Variants in RAP1GAP observed in about 807,000 individuals in gnomAD.
RAP1GAP encodes rap1 GTPase-activating protein 1.
A neutral mutation model predicts 87.2 loss-of-function variants in RAP1GAP; 35 were observed. The observed-to-expected ratio is 0.40, with a 90% confidence interval of 0.31 to 0.53. The LOEUF (loss-of-function observed/expected upper bound fraction) is 0.53. Among genes scored for constraint, RAP1GAP ranks in the 20% least tolerant of loss-of-function variants. The pLI, the probability that RAP1GAP is intolerant of heterozygous loss-of-function variation, is 0.48. For synonymous variants in RAP1GAP, 375 were observed against 363.9 expected (o/e 1.03, Z -0.35); for missense variants, 734 against 898.9 (o/e 0.82, Z 2.35).
intron 24 of RAP1GAP, 127 bp downstream of exon 24, chr1:21,597,559 G>A: frequency 1.0e-6 from 1 of 989,314 alleles, no homozygotes; most frequent in Non-Finnish European, 1.5e-6. Context: ...TGAGGACCAG[G>A]GGGCTCAAAC....
intron 18 of RAP1GAP, 133 bp downstream of exon 18, chr1:21,605,933 C>T: frequency 1.7e-6 from 2 of 1,206,328 alleles, no homozygotes; most frequent in Non-Finnish European, 2.3e-6. Flanking sequence ...GTGGCTAGAC[C>T]AAATCCAGAG....
rs1570749617 is a variant in RAP1GAP, at chr1:21,617,330, G to A, written c.267C>T (p.Ile89=). The change falls in exon 7 of 25, where the codon ATC becomes ATT. Residue 89 remains isoleucine (I), a synonymous_variant. Transcript: ENST00000374765. The part of the protein sequence containing the change: ...VKLECNPTAR[I]YRKHFLGKEH... Reference sequence around the variant, plus strand: ...CCTTGCCGAGAAAGTGCTTCCGGTAGATGCGGGCTGTGGGGTTGCACTCGA... The same window carrying A: ...CCTTGCCGAGAAAGTGCTTCCGGTAAATGCGGGCTGTGGGGTTGCACTCGA... The A allele has an allele frequency of 6.3e-7, 1 of 1,587,818 alleles. No individual in the cohort carries two copies. Among genetic ancestry groups the A allele is most frequent in the Admixed American group, 1.8e-5 (1 of 55,540 alleles).
intron 2 of RAP1GAP, among the ~76,000 whole-genome samples, chr1:21,645,805 C>T (rs185045986): frequency 1.3e-3 from 201 of 152,356 alleles, no homozygotes; most frequent in African/African-American, 4.6e-3. Flanking sequence ...CATTTCAGAG[C>T]CACTAATGAG....
At chr1:21,642,524 C>A (rs1208416932) in intron 2 of RAP1GAP, among the ~76,000 whole-genome samples, 2 of 152,192 alleles carry the variant, frequency 1.3e-5, no homozygotes, top group African/African-American at 4.8e-5. Flanking sequence ...ACTCTGGCTC[C>A]AGGGCTTCCA....
chr1:21,621,855 A>C (rs1223325992), intron 3 of RAP1GAP, among the ~76,000 whole-genome samples: 1 of 152,170 alleles, frequency 6.6e-6, no homozygotes, highest in African/African-American at 2.4e-5. Flanking sequence ...TCAGTCACAT[A>C]AACACTGACA....
At chr1:21,651,611 C>A in intron 1 of RAP1GAP, 1 of 727,246 alleles carries the variant, frequency 1.4e-6, no homozygotes. Flanking sequence ...CACACAGGCG[C>A]CACAGCACGA....
At chr1:21,628,715 T>C (rs1237556664) in intron 2 of RAP1GAP, among the ~76,000 whole-genome samples, 1 of 148,236 alleles carries the variant, frequency 6.7e-6, no homozygotes, top group East Asian at 2.0e-4. Context: ...TGAGACTCCA[T>C]CTCAAATAAA....
At chr1:21,611,839 A>C in intron 11 of RAP1GAP, 23 bp from the exon 12 acceptor site, 1 of 1,584,468 alleles carries the variant, frequency 6.3e-7, no homozygotes, top group Non-Finnish European at 8.7e-7. Context: ...GGCCAAGGTC[A>C]TTGAGCTGGA....
chr1:21,603,926 G>A lies in RAP1GAP; in HGVS notation c.1429-1013C>T. 1 of 1,517,446 alleles carries A rather than the reference G, an allele frequency of 6.6e-7. No individual in the cohort carries two copies. The highest frequency in any genetic ancestry group is 8.9e-7 in the Non-Finnish European group (1 of 1,123,786). 94.0% of individuals were successfully genotyped at this position (1,517,446 alleles called of 1,614,324 possible). A position where few individuals can be genotyped will look rare whatever the true frequency, so the allele number is the denominator to read the frequency against. ...AATAAGCAATGACTGGCAAGCAGCA[G>A]AGGGCGGGGGCAGAGAGAGAGAGAC... On this transcript the variant is annotated intron_variant, in intron 18 of 24. Coordinates refer to ENST00000374765, the MANE Select transcript of RAP1GAP (RefSeq NM_002885.4). This position sits in a 1 kb window ranked among gnomAD's most constrained non-coding sequence, Gnocchi z 6.0.
Position 21,617,496 on chromosome 1 carries a change from A to G in RAP1GAP, c.106-5T>C, listed in dbSNP as rs2082993654. On this transcript the variant is annotated splice_region_variant and splice_polypyrimidine_tract_variant and intron_variant, in intron 6 of 24. Transcript: ENST00000374765. ...GGGTCCTTCTCGCCCCAAGACCTGA[A>G]GAGGGACTCAGCTGAGAGCCACCCC... 1 of 1,588,904 alleles carries G rather than the reference A, an allele frequency of 6.3e-7. No homozygotes were observed. Among genetic ancestry groups the G allele is most frequent in the South Asian group, 1.1e-5 (1 of 87,184 alleles).
intron 10 of RAP1GAP, among the ~76,000 whole-genome samples, chr1:21,612,821 T>C (rs1227811087): frequency 1.3e-5 from 2 of 152,172 alleles, no homozygotes; most frequent in African/African-American, 4.8e-5. Flanking sequence ...AGGTCTCCTC[T>C]GGGATAAAAA....
rs1446856104 is a variant in RAP1GAP at position 21,668,725 on chromosome 1, G to T, written c.-149+529C>A. 6.6e-6 allele frequency: 1 copy of T among 152,190 alleles called. No individual in the cohort carries two copies. The highest frequency in any genetic ancestry group is 6.5e-5 in the Admixed American group (1 of 15,284). 9.4% of individuals were successfully genotyped at this position (152,190 alleles called of 1,614,324 possible). A position where few individuals can be genotyped will look rare whatever the true frequency, so the allele number is the denominator to read the frequency against. ...CTCTGCCGCGGGGGTCAGGGACAGG[G>T]GAATGCGTCCTGTCTCTGGGGATGC... On this transcript the variant is annotated intron_variant, in intron 1 of 24. Coordinates refer to ENST00000374765, the MANE Select transcript of RAP1GAP (RefSeq NM_002885.4). The surrounding 1 kb of genome is among the most constrained non-coding windows in gnomAD (Gnocchi z 6.2).
intron 5 of RAP1GAP, 126 bp downstream of exon 5, chr1:21,618,899 A>C: frequency 9.0e-7 from 1 of 1,116,252 alleles, no homozygotes; most frequent in Non-Finnish European, 1.3e-6. Flanking sequence ...CTACCCCCGC[A>C]CCTGGCACAC....
At chr1:21,659,414 C>T (rs1251398199) in intron 1 of RAP1GAP, among the ~76,000 whole-genome samples, 2 of 152,340 alleles carry the variant, frequency 1.3e-5, no homozygotes, top group African/African-American at 4.8e-5. Context: ...TCGCCACCCC[C>T]CGCACTTCCT....
chr1:21,636,972 AAGCAACCTG>A (rs2094835719), intron 2 of RAP1GAP, among the ~76,000 whole-genome samples: 3 of 146,904 alleles, frequency 2.0e-5, no homozygotes, highest in African/African-American at 7.6e-5. Flanking sequence ...GAGGAAGGGA[AAGCAACCTG>A]AGCAACCTGC....
At chr1:21,640,576 C>T (rs138577366) in intron 2 of RAP1GAP, among the ~76,000 whole-genome samples, 222 of 152,308 alleles carry the variant, frequency 1.5e-3, no homozygotes, top group African/African-American at 5.1e-3. Context: ...AGAACCTTTC[C>T]TCAGCCTGCA....
intron 1 of RAP1GAP, among the ~76,000 whole-genome samples, chr1:21,666,142 T>C (rs77270700): frequency 0.06 from 9,134 of 152,090 alleles, 426 homozygotes; most frequent in East Asian, 0.25. Flanking sequence ...ATCTAGCATG[T>C]CTGCCCTGGA....
Position 21,641,908 on chromosome 1 carries a change from G to A in RAP1GAP, c.-113+7853C>T, listed in dbSNP as rs142965889. Among the ~76,000 whole-genome samples, 129 of 152,280 alleles carry A rather than the reference G, an allele frequency of 8.5e-4. 1 individual carries two copies. The highest frequency in any genetic ancestry group is 1.6e-3 in the Non-Finnish European group (107 of 68,016). On this transcript the variant is annotated intron_variant, in intron 2 of 24. Transcript: ENST00000374765. ...ATGTTTCTCTAGGTCACTTGGGTCC[G>A]AGGCATGTGTTTCTTCCCTCCTGCA...
intron 2 of RAP1GAP, among the ~76,000 whole-genome samples, chr1:21,633,783 G>C (rs1328329633): frequency 6.6e-6 from 1 of 152,192 alleles, no homozygotes; most frequent in Non-Finnish European, 1.5e-5. Context: ...GTCAGGAGGG[G>C]AAGGCCTGGG....
Sources: gnomAD v4.1 joint callset for allele counts (sites outside exome capture counted in the v4.1 genomes callset) on GRCh38, gnomAD v4.1.1 for gene constraint, Gnocchi (gnomAD v3.1) non-coding constraint, MANE v1.5 for transcripts, NCBI Gene and HGNC (gene_info 2026-07-23, HGNC 2026-07-21) for gene names.